The following SLC1A2 variants were observed in gnomAD, a reference collection of about 807,000 sequenced individuals.
SLC1A2 encodes solute carrier family 1 member 2.
Under a neutral mutation model 48.8 loss-of-function variants are expected in SLC1A2, and 15 were observed. The ratio of observed to expected loss-of-function variants is 0.31; its 90% CI spans 0.21 to 0.47. The LOEUF is 0.47. Among genes scored for constraint, SLC1A2 ranks in the 20% least tolerant of loss-of-function variants. The pLI is 0.99. For synonymous variants in SLC1A2, 279 were observed against 272.6 expected, an observed-to-expected ratio of 1.02 and a Z score of -0.23; for missense variants, 502 against 730.5, an observed-to-expected ratio of 0.69 and a Z score of 3.61.
chr11:35,263,826 A>G (rs1301350067), intron 10 of SLC1A2, among the ~76,000 whole-genome samples: 3 of 152,226 alleles, frequency 2.0e-5, no homozygotes, highest in East Asian at 3.8e-4. Flanking sequence ...TAGGCATTCA[A>G]TAAATACTGG....
chr11:35,355,367 C>T (rs1853418907), intron 1 of SLC1A2, among the ~76,000 whole-genome samples: 1 of 152,240 alleles, frequency 6.6e-6, no homozygotes, highest in Admixed American at 6.5e-5. Context: ...CCTACTGCAT[C>T]TTCACTCCAA....
Position 35,419,306 on chromosome 11 carries a change from G to T in SLC1A2, c.-340C>A, listed in dbSNP as rs1855711161. The T allele has an allele frequency of 1.1e-5, 3 of 270,842 alleles. No homozygotes were observed. Among genetic ancestry groups the T allele is most frequent in the Admixed American group, 1.1e-4 (2 of 18,574 alleles). The allele number at this position is 270,842 out of a possible 1,614,324, so 16.8% of individuals were successfully genotyped here. ...GCAGGAGGGCGCACGCCGGCGATGC[G>T]CCCCTGCAGCCGCTGCCACCTGTGC... On this transcript the variant is annotated 5_prime_UTR_variant, in exon 1 of 11. Transcript: ENST00000278379. This position sits in a 1 kb window ranked among gnomAD's most constrained non-coding sequence, Gnocchi z 5.4.
chr11:35,418,854 C>T (rs1855691812), intron 1 of SLC1A2, 96 bp downstream of exon 1: 1 of 1,032,858 alleles, frequency 9.7e-7, no homozygotes, highest in Admixed American at 2.3e-5. Flanking sequence ...CTCCGAGGCC[C>T]GCCGCCGCCG....
intron 1 of SLC1A2, among the ~76,000 whole-genome samples, chr11:35,411,719 GTT>G (rs1363235608): frequency 1.4e-5 from 2 of 145,440 alleles, no homozygotes; most frequent in Non-Finnish European, 3.0e-5. Flanking sequence ...TCTTTTCTCT[GTT>G]TTCTTTTACC....
intron 3 of SLC1A2, 82 bp from the exon 4 acceptor site, chr11:35,312,530 T>C: frequency 7.0e-7 from 1 of 1,423,702 alleles, no homozygotes. Context: ...TGACGTTAGC[T>C]TCATATTACT....
intron 1 of SLC1A2, among the ~76,000 whole-genome samples, chr11:35,405,999 C>T (rs978451374): frequency 6.6e-6 from 1 of 152,170 alleles, no homozygotes; most frequent in African/African-American, 2.4e-5. Context: ...TAACATTCAT[C>T]GTGATAATGA....
rs140761222 is a variant in SLC1A2 at position 35,319,225 on chromosome 11, A to C, written c.18-1709T>G. Among the ~76,000 whole-genome samples, 260 of 152,326 alleles carry C rather than the reference A, an allele frequency of 1.7e-3. 2 individuals are homozygous for C. Among genetic ancestry groups the C allele is most frequent in the African/African-American group, 6.0e-3 (251 of 41,572 alleles). On this transcript the variant is annotated intron_variant, in intron 1 of 10. Coordinates refer to ENST00000278379, the MANE Select transcript of SLC1A2 (RefSeq NM_004171.4). ...ATCACTTCCTCCCCTCGCCAAGTGA[A>C]ACAGACAGAAAATTCATTTTACAAC...
intron 1 of SLC1A2, among the ~76,000 whole-genome samples, chr11:35,379,312 C>T (rs1032173966): frequency 5.9e-5 from 9 of 152,246 alleles, no homozygotes; most frequent in Admixed American, 5.9e-4. Flanking sequence ...GTTATTGCTG[C>T]TGCTACTGTT....
intron 1 of SLC1A2, among the ~76,000 whole-genome samples, chr11:35,394,388 C>T (rs1054016713): frequency 4.6e-5 from 7 of 152,032 alleles, no homozygotes; most frequent in Admixed American, 4.6e-4. Context: ...GGGGACACAC[C>T]AATTTGGCAG....
In SLC1A2 at chr11:35,265,674, A is replaced by T. The variant is rs779155068; in HGVS notation, c.1506T>A (p.Asp502Glu). 3.7e-6 allele frequency: 6 copies of T among 1,613,484 alleles called. No individual in the cohort carries two copies. The Admixed American group carries it at 6.7e-5, about 18-fold the overall frequency. The change falls in exon 10 of 11, where the codon GAT becomes GAA. Residue 502 changes from aspartate (D) to glutamate (E), a missense_variant. Asp to Glu is a conservative substitution (Grantham distance 45). Around this residue, in one of 4 missense-constraint regions of SLC1A2, gnomAD observed 102 missense variants for 107.2 expected, o/e 0.95. Coordinates refer to ENST00000278379, the MANE Select transcript of SLC1A2 (RefSeq NM_004171.4). ...GCACTCGATGCTGGGAGTCAATGGTATCCAGCTCAGACTTGGAGAGGTGAT... is the reference window on the plus strand; with the variant it reads ...GCACTCGATGCTGGGAGTCAATGGTTTCCAGCTCAGACTTGGAGAGGTGAT... ...IVYHLSKSEL[D>E]TIDSQHRVHE...
intron 1 of SLC1A2, among the ~76,000 whole-genome samples, chr11:35,362,506 T>A (rs1853715802): frequency 6.6e-6 from 1 of 152,196 alleles, no homozygotes; most frequent in South Asian, 2.1e-4. Context: ...TTATCTAACA[T>A]CTGTGAACCT....
At chr11:35,302,274 A>T (rs1197883608) in intron 5 of SLC1A2, among the ~76,000 whole-genome samples, 3 of 152,240 alleles carry the variant, frequency 2.0e-5, no homozygotes, top group African/African-American at 7.2e-5. Context: ...CAGTTTTTTT[A>T]AATGTAATCT....
chr11:35,389,768 C>A (rs1050286988), intron 1 of SLC1A2, among the ~76,000 whole-genome samples: 3 of 152,088 alleles, frequency 2.0e-5, no homozygotes, highest in Non-Finnish European at 1.5e-5. Context: ...CCATGCCCAG[C>A]CTCTTTTTTG....
chr11:35,342,521 T>TTTTG (rs1475979290), intron 1 of SLC1A2, among the ~76,000 whole-genome samples: 6 of 151,164 alleles, frequency 4.0e-5, no homozygotes, highest in African/African-American at 9.7e-5. Context: ...GAGTGTTTTT[T>TTTTG]TTGTTGTTGT....
chr11:35,279,299 T>A (rs1850544941), intron 9 of SLC1A2, among the ~76,000 whole-genome samples: 1 of 152,204 alleles, frequency 6.6e-6, no homozygotes, highest in Non-Finnish European at 1.5e-5. Flanking sequence ...AACCCCCTTG[T>A]CGAAGACCAT....
At chr11:35,269,645 T>C (rs1850220433) in intron 9 of SLC1A2, among the ~76,000 whole-genome samples, 1 of 152,222 alleles carries the variant, frequency 6.6e-6, no homozygotes, top group African/African-American at 2.4e-5. Context: ...AAGCAGCCAC[T>C]GAAGCAGCCA....
intron 1 of SLC1A2, among the ~76,000 whole-genome samples, chr11:35,343,031 A>T (rs2421764): frequency 0.58 from 88,544 of 151,970 alleles, 26,304 homozygotes; most frequent in East Asian, 0.7. Context: ...AGTTTGCAAG[A>T]GGGACTTCTA....
intron 9 of SLC1A2, among the ~76,000 whole-genome samples, chr11:35,276,983 G>T (rs998729347): frequency 6.6e-6 from 1 of 152,150 alleles, no homozygotes; most frequent in African/African-American, 2.4e-5. Flanking sequence ...TATCTGGTAA[G>T]GGCCTTCTTT....
chr11:35,373,383 G>A (rs528269003), intron 1 of SLC1A2, among the ~76,000 whole-genome samples: 23 of 152,296 alleles, frequency 1.5e-4, no homozygotes, highest in African/African-American at 5.5e-4. Context: ...AACCCGGTAG[G>A]GATGCCAGTC....
Sources: gnomAD v4.1 joint callset for allele counts (sites outside exome capture counted in the v4.1 genomes callset) on GRCh38, gnomAD v4.1.1 for gene constraint, gnomAD v4.1.1 regional missense constraint, Gnocchi (gnomAD v3.1) non-coding constraint, MANE v1.5 for transcripts, NCBI Gene and HGNC (gene_info 2026-07-23, HGNC 2026-07-21) for gene names.